The following VPS39 variants were observed in gnomAD, a reference collection of about 807,000 sequenced individuals.
The protein encoded by VPS39 is VPS39 subunit of HOPS complex.
Under a neutral mutation model 121.0 loss-of-function variants are expected in VPS39, and 70 were observed. That is an observed-to-expected ratio of 0.58 (90% confidence interval 0.48 to 0.71). VPS39 has a LOEUF of 0.71. Among genes scored for constraint, VPS39 ranks in the 30% least tolerant of loss-of-function variants. The pLI, the probability that VPS39 is intolerant of heterozygous loss-of-function variation, is 0.00. For synonymous variants in VPS39, 378 were observed against 398.1 expected (o/e 0.95, Z 0.60); for missense variants, 818 against 1,051.5 (o/e 0.78, Z 3.07).
intron 1 of VPS39, among the ~76,000 whole-genome samples, chr15:42,206,967 A>G (rs748995298): frequency 3.9e-5 from 6 of 152,264 alleles, no homozygotes; most frequent in Non-Finnish European, 1.5e-5. Flanking sequence ...TGGAGGAAGT[A>G]GGATTCTCCT....
At chr15:42,168,197 T>C (rs1352669092) in intron 12 of VPS39, among the ~76,000 whole-genome samples, 1 of 152,238 alleles carries the variant, frequency 6.6e-6, no homozygotes, top group East Asian at 1.9e-4. Flanking sequence ...ACAATACTAG[T>C]GTCAGTTACT....
intron 12 of VPS39, among the ~76,000 whole-genome samples, chr15:42,168,543 C>CTTTT (rs773910224): frequency 7.3e-6 from 1 of 136,758 alleles, no homozygotes; most frequent in Admixed American, 7.3e-5. Context: ...AATACTTCTT[C>CTTTT]TTTTTTTTTT....
chr15:42,182,250 G>A (rs2140865078), intron 8 of VPS39, among the ~76,000 whole-genome samples: 1 of 152,066 alleles, frequency 6.6e-6, no homozygotes, highest in South Asian at 2.1e-4. Context: ...TTATTTTTAT[G>A]CTGGCCTCAT....
chr15:42,169,574 G>A, intron 12 of VPS39, 150 bp downstream of exon 12: 1 of 820,808 alleles, frequency 1.2e-6, no homozygotes. Flanking sequence ...GTTAGAAGTA[G>A]CAGAAAGAAA....
chr15:42,171,151 A>T (rs2049340830), intron 11 of VPS39, among the ~76,000 whole-genome samples: 1 of 152,216 alleles, frequency 6.6e-6, no homozygotes, highest in South Asian at 2.1e-4. Context: ...GTGTATGGTC[A>T]ATTGGCACTT....
At chr15:42,175,711 G>C (rs1328232760) in intron 10 of VPS39, among the ~76,000 whole-genome samples, 2 of 151,754 alleles carry the variant, frequency 1.3e-5, no homozygotes, top group Non-Finnish European at 2.9e-5. Flanking sequence ...TGCTTCAAAG[G>C]CTTCCAAAAC....
At chr15:42,176,122 A>G (rs2049446691) in intron 10 of VPS39, among the ~76,000 whole-genome samples, 1 of 152,172 alleles carries the variant, frequency 6.6e-6, no homozygotes, top group African/African-American at 2.4e-5. Context: ...AGAGCACAAA[A>G]TAAGTATGAG....
rs2049150382 is a variant in VPS39 at position 42,162,467 on chromosome 15, C to A, written c.2190G>T (p.Leu730=). The A allele has an allele frequency of 6.2e-7, 1 of 1,606,634 alleles. No homozygotes were observed. Residue 730 remains leucine, a synonymous_variant, in exon 22 of 25, where the codon CTG becomes CTT. Coordinates refer to ENST00000318006, the MANE Select transcript of VPS39 (RefSeq NM_015289.5). ...KDGNKDVYLS[L]LRMYLSPPSI... ...TGGGGGGCGACAGGTACATCCGAAG[C>A]AGGGACAGATACACCTGTCTCAGAG...
intron 12 of VPS39, 124 bp from the exon 13 acceptor site, chr15:42,167,661 C>A: frequency 1.6e-6 from 2 of 1,251,196 alleles, no homozygotes; most frequent in Non-Finnish European, 2.2e-6. Flanking sequence ...CATTAGCATT[C>A]GATTTTTAGC....
rs570561340 is a variant in VPS39 at position 42,197,272 on chromosome 15, A to G, written c.139+2624T>C. On this transcript the variant is annotated intron_variant, in intron 2 of 24. Coordinates refer to ENST00000318006, the MANE Select transcript of VPS39 (RefSeq NM_015289.5). ...GCACACCAACATGGCACATGTATAC[A>G]TATGTAACAAACCTGCACGTTGTGC... Among the ~76,000 whole-genome samples, 249 of 151,834 alleles carry G rather than the reference A, an allele frequency of 1.6e-3. 1 individual carries two copies. Among genetic ancestry groups the G allele is most frequent in the African/African-American group, 5.9e-3 (243 of 41,388 alleles).
At chr15:42,163,460 C>A in intron 20 of VPS39, 65 bp from the exon 21 acceptor site, 2 of 1,602,550 alleles carry the variant, frequency 1.2e-6, no homozygotes, top group Non-Finnish European at 1.7e-6. Context: ...AGAGGCTGTG[C>A]GTGCAGCCTG....
chr15:42,170,741 ATTTTTTT>A (rs869280235), intron 11 of VPS39, among the ~76,000 whole-genome samples: 25 of 50,472 alleles, frequency 5.0e-4, no homozygotes, highest in Admixed American at 4.5e-3. Flanking sequence ...ATGCTCGCAG[ATTTTTTT>A]TTTTTTTTTT....
chr15:42,207,179 C>T (rs1162315569), intron 1 of VPS39, among the ~76,000 whole-genome samples: 1 of 152,218 alleles, frequency 6.6e-6, no homozygotes, highest in African/African-American at 2.4e-5. Flanking sequence ...CACCAAGATT[C>T]CATAAGGCCC....
intron 2 of VPS39, among the ~76,000 whole-genome samples, chr15:42,199,196 A>G (rs1185655035): frequency 1.3e-5 from 2 of 152,250 alleles, no homozygotes; most frequent in Non-Finnish European, 2.9e-5. Context: ...GAGCACAGAA[A>G]CGAAAACAAG....
Position 42,189,161 on chromosome 15 carries a change from T to A in VPS39, c.295A>T (p.Thr99Ser), listed in dbSNP as rs2049769021. The change falls in exon 5 of 25, where the codon ACG becomes TCG. Residue 99 changes from threonine (T) to serine (S), a missense_variant. By Grantham distance (58) the Thr-to-Ser change is moderately conservative. Coordinates refer to ENST00000318006, the MANE Select transcript of VPS39 (RefSeq NM_015289.5). ...HDLLTFQQIT[T>S]VSKAKGASLF... ...GATGCTCCCTTTGCCTTTGAAACCG[T>A]AGTGATTTGTTGAAATGTCAATAGG... 6.2e-7 allele frequency: 1 copy of A among 1,613,954 alleles called. No homozygotes were observed. The highest frequency in any genetic ancestry group is 8.5e-7 in the Non-Finnish European group (1 of 1,179,892).
At chr15:42,166,705 A>G in intron 14 of VPS39, 56 bp from the exon 15 acceptor site, 3 of 1,613,950 alleles carry the variant, frequency 1.9e-6, no homozygotes, top group Non-Finnish European at 2.5e-6. Context: ...GGAGATTTCC[A>G]TATCTCAGTG....
chr15:42,208,231 C>A lies in VPS39; in HGVS notation c.-78G>T, dbSNP rs1208215858. 64 of 1,532,600 alleles carry A rather than the reference C, an allele frequency of 4.2e-5. No individual in the cohort carries two copies. The highest frequency in any genetic ancestry group is 5.4e-5 in the Non-Finnish European group (61 of 1,133,578). 94.9% of individuals were successfully genotyped at this position (1,532,600 alleles called of 1,614,324 possible). On this transcript the variant is annotated 5_prime_UTR_variant, in exon 1 of 25. Transcript: ENST00000318006. ...GGCTGGGGTCCGGAACGAGTCTGGG[C>A]TAAGGGTAGACCGGGATCCGGCCAG... is the stretch of plus-strand genomic sequence containing the variant.
Position 42,166,778 on chromosome 15 carries a change from C to G in VPS39, c.1513G>C (p.Glu505Gln). 1.2e-6 allele frequency: 2 copies of G among 1,614,080 alleles called. No individual in the cohort carries two copies. Among genetic ancestry groups the G allele is most frequent in the Non-Finnish European group, 8.5e-7 (1 of 1,179,928 alleles). The change falls in exon 14 of 25, where the codon GAG becomes CAG. Residue 505 changes from glutamate (E) to glutamine (Q), a missense_variant. Transcript: ENST00000318006. ...CAAGGAACCACTCCCACACCTTTCTCGTGGAGCCCCTTCTTCTCATACAGG... is the reference window on the plus strand; with the variant it reads ...CAAGGAACCACTCCCACACCTTTCTGGTGGAGCCCCTTCTTCTCATACAGG... The part of the protein sequence containing the change: ...IILYEKKGLH[E>Q]KALQVLVDQS...
intron 2 of VPS39, among the ~76,000 whole-genome samples, chr15:42,194,987 G>A (rs568632629): frequency 6.6e-6 from 1 of 151,808 alleles, no homozygotes; most frequent in Non-Finnish European, 1.5e-5. Flanking sequence ...TGCAAACTTG[G>A]TTTTGTCCTT....
Sources: gnomAD v4.1 joint callset for allele counts (sites outside exome capture counted in the v4.1 genomes callset) on GRCh38, gnomAD v4.1.1 for gene constraint, MANE v1.5 for transcripts, NCBI Gene and HGNC (gene_info 2026-07-23, HGNC 2026-07-21) for gene names.